Variants in SHQ1 observed in about 807,000 individuals in gnomAD.
SHQ1 encodes SHQ1, H/ACA ribonucleoprotein assembly factor, also known as protein SHQ1 homolog.
In SHQ1, 49 loss-of-function variants were observed where a neutral mutation model predicts 53.8. The observed-to-expected ratio is 0.91, with a 90% CI of 0.72 to 1.16. The LOEUF is 1.16. SHQ1 is among the 50% of genes most tolerant of loss of function. The pLI, the probability that SHQ1 is intolerant of heterozygous loss-of-function variation, is 0.00. For synonymous variants in SHQ1, 243 were observed against 251.0 expected, an observed-to-expected ratio of 0.97 and a Z score of 0.30; for missense variants, 738 against 683.1, an observed-to-expected ratio of 1.08 and a Z score of -0.90.
chr3:72,765,559 T>TATATATATA (rs1559662676), intron 10 of SHQ1, among the ~76,000 whole-genome samples: 18 of 99,004 alleles, frequency 1.8e-4, no homozygotes, highest in Admixed American at 1.1e-3. Flanking sequence ...ATATATATAT[T>TATATATATA]TTTTTTTTTT....
chr3:72,833,662 G>A (rs997593740), intron 4 of SHQ1, among the ~76,000 whole-genome samples: 19 of 152,268 alleles, frequency 1.2e-4, no homozygotes, highest in Admixed American at 5.9e-4. Flanking sequence ...TCCTGTCATT[G>A]CCTTTGCCTA....
At chr3:72,773,589 G>C (rs950229510) in intron 10 of SHQ1, 1 of 188,076 alleles carries the variant, frequency 5.3e-6, no homozygotes, top group South Asian at 1.1e-4. Context: ...AACAAGATGG[G>C]GAGTGAGACT....
chr3:72,833,546 TA>T (rs1707903403), intron 4 of SHQ1, among the ~76,000 whole-genome samples: 82 of 87,804 alleles, frequency 9.3e-4, no homozygotes, highest in African/African-American at 3.8e-3. Flanking sequence ...GATAGATAGA[TA>T]GATAGATAGA....
At position 72,819,597 on chromosome 3, in the gene SHQ1, T is replaced by C. The variant is rs187415930; in HGVS notation, c.728-2213A>G. Among the ~76,000 whole-genome samples the C allele has an allele frequency of 3.3e-5, 5 of 152,286 alleles. No individual in the cohort carries two copies. In the East Asian group the frequency reaches 7.7e-4, roughly 24 times the overall value. On this transcript the variant is annotated intron_variant, in intron 6 of 10. Coordinates refer to ENST00000325599, the MANE Select transcript of SHQ1 (RefSeq NM_018130.3). The stretch of plus-strand genomic sequence containing the variant: ...AAAGGTCCTCATCCTGGTCTTCATA[T>C]TGAGTAGGCTGAGGAATAAGAGGAA...
chr3:72,846,819 C>T (rs1015818706), intron 1 of SHQ1, among the ~76,000 whole-genome samples: 3 of 152,156 alleles, frequency 2.0e-5, no homozygotes, highest in African/African-American at 7.2e-5. Context: ...AATAATAAAG[C>T]CTCGTTGTAA....
intron 7 of SHQ1, among the ~76,000 whole-genome samples, chr3:72,815,720 C>G (rs1244273539): frequency 6.6e-6 from 1 of 152,128 alleles, no homozygotes; most frequent in Non-Finnish European, 1.5e-5. Context: ...TGTCCTTTTT[C>G]CACTAAGTTA....
chr3:72,732,267 C>T, the SHQ1 span, among the ~76,000 whole-genome samples: 6 of 150,028 alleles, frequency 4.0e-5, no homozygotes, highest in East Asian at 3.9e-4. Flanking sequence ...CCAGCAGTGC[C>T]GGCATTGTTT....
intron 4 of SHQ1, among the ~76,000 whole-genome samples, chr3:72,837,334 T>A (rs1263706622): frequency 6.6e-6 from 1 of 152,218 alleles, no homozygotes; most frequent in Non-Finnish European, 1.5e-5. Flanking sequence ...TATAGATGTT[T>A]ACAAACAAAT....
intron 10 of SHQ1, among the ~76,000 whole-genome samples, chr3:72,769,870 A>C (rs1705808631): frequency 6.6e-6 from 1 of 152,214 alleles, no homozygotes; most frequent in East Asian, 1.9e-4. Context: ...AAGGAGGTTA[A>C]GAGCTCAGGC....
chr3:72,771,504 T>C (rs1199565744), intron 10 of SHQ1, among the ~76,000 whole-genome samples: 1 of 152,168 alleles, frequency 6.6e-6, no homozygotes, highest in Non-Finnish European at 1.5e-5. Flanking sequence ...ATATAGTGAG[T>C]TAAGGTTTCC....
At chr3:72,824,944 G>A (rs980414757) in intron 5 of SHQ1, among the ~76,000 whole-genome samples, 1 of 151,912 alleles carries the variant, frequency 6.6e-6, no homozygotes, top group Non-Finnish European at 1.5e-5. Context: ...TATGACTATA[G>A]GCACATGCTA....
intron 10 of SHQ1, among the ~76,000 whole-genome samples, chr3:72,751,474 AT>A (rs1705366334): frequency 2.8e-5 from 3 of 106,088 alleles, no homozygotes; most frequent in Non-Finnish European, 5.7e-5. Context: ...TAATAAGCAC[AT>A]ATGTGTGTGT....
At chr3:72,772,005 G>C (rs931931429) in intron 10 of SHQ1, among the ~76,000 whole-genome samples, 1 of 152,096 alleles carries the variant, frequency 6.6e-6, no homozygotes, top group Non-Finnish European at 1.5e-5. Context: ...GACAGTGCAG[G>C]GGGAATTAAT....
intron 2 of SHQ1, among the ~76,000 whole-genome samples, chr3:72,843,320 T>C (rs1345090229): frequency 6.6e-6 from 1 of 152,146 alleles, no homozygotes; most frequent in Non-Finnish European, 1.5e-5. Flanking sequence ...CACAGAATCT[T>C]AGATACAACA....
chr3:72,750,998 T>C (rs752562679), intron 10 of SHQ1, among the ~76,000 whole-genome samples, 162 bp from the exon 11 acceptor site: 1 of 152,212 alleles, frequency 6.6e-6, no homozygotes, highest in Admixed American at 6.5e-5. Flanking sequence ...AAAATGAAGC[T>C]ATTAAAAGTA....
chr3:72,800,847 T>C (rs1200072012), intron 9 of SHQ1, among the ~76,000 whole-genome samples: 1 of 152,244 alleles, frequency 6.6e-6, no homozygotes, highest in East Asian at 1.9e-4. Flanking sequence ...AAGAAAAGAA[T>C]GTAGCTGTAC....
At chr3:72,739,790 G>A in the SHQ1 span, among the ~76,000 whole-genome samples, 1 of 152,214 alleles carries the variant, frequency 6.6e-6, no homozygotes, top group Non-Finnish European at 1.5e-5. Flanking sequence ...AGTGGGGCAG[G>A]GGGCAGACCA....
At position 72,750,705 on chromosome 3, in the gene SHQ1, G is replaced by C; in HGVS notation, c.1313C>G (p.Ala438Gly). 6.3e-7 allele frequency: 1 copy of C among 1,582,504 alleles called. No individual in the cohort carries two copies. The highest frequency in any genetic ancestry group is 2.3e-5 in the East Asian group (1 of 42,776). The change falls in exon 11 of 11, where the codon GCA becomes GGA. Residue 438 changes from alanine (A) to glycine (G), a missense_variant. Ala to Gly is a moderately conservative substitution (Grantham distance 60). Transcript: ENST00000325599. ...CTGCTGCCCAGAAACTGAATGGGCT[G>C]CTTTTAATGCAGTTTCTTCCTCCTG... ...LVQEEETALK[A>G]AHSVSGQQTL...
At chr3:72,747,711 G>T (rs1705279999), downstream of SHQ1, among the ~76,000 whole-genome samples, 1 of 152,198 alleles carries the variant, frequency 6.6e-6, no homozygotes. Context: ...GAGGGGGCTG[G>T]GTGCGGTGGC....
Sources: gnomAD v4.1 joint callset for allele counts (sites outside exome capture counted in the v4.1 genomes callset) on GRCh38, gnomAD v4.1.1 for gene constraint, MANE v1.5 for transcripts, NCBI Gene and HGNC (gene_info 2026-07-23, HGNC 2026-07-21) for gene names.